The following IGFL2 variants were observed in gnomAD, a reference collection of about 807,000 sequenced individuals.
The protein encoded by IGFL2 is IGF like family member 2, also known as insulin growth factor-like family member 2.
In IGFL2, 7 loss-of-function variants were observed where a neutral mutation model predicts 13.9. The observed-to-expected ratio is 0.51, with a 90% CI of 0.29 to 0.95. IGFL2 has a LOEUF of 0.95. Among genes scored for constraint, IGFL2 ranks in the 40% least tolerant of loss-of-function variants. The pLI, the probability that IGFL2 is intolerant of heterozygous loss-of-function variation, is 0.08. For missense variants in IGFL2, 138 were observed against 147.8 expected, an observed-to-expected ratio of 0.93 and a Z score of 0.34; for synonymous variants, 55 against 55.8, an observed-to-expected ratio of 0.99 and a Z score of 0.07.
At chr19:46,185,845 G>A in the IGFL2 span, among the ~76,000 whole-genome samples, 2 of 152,190 alleles carry the variant, frequency 1.3e-5, no homozygotes, top group South Asian at 2.1e-4. Context: ...CACACACCTC[G>A]CACCCCGGCC....
the IGFL2 span, among the ~76,000 whole-genome samples, chr19:46,176,171 T>A: frequency 1.4e-5 from 2 of 139,870 alleles, no homozygotes; most frequent in African/African-American, 2.7e-5. Context: ...TTTTTAAAAA[T>A]CAAAATTAAT....
intron 2 of IGFL2, 29 bp downstream of exon 2, chr19:46,160,497 A>C: frequency 6.2e-7 from 1 of 1,613,468 alleles, no homozygotes; most frequent in Non-Finnish European, 8.5e-7. Flanking sequence ...AAGAGTGAAG[A>C]GGAAGGAGGC....
At chr19:46,175,268 A>C in the IGFL2 span, among the ~76,000 whole-genome samples, 1 of 152,156 alleles carries the variant, frequency 6.6e-6, no homozygotes, top group Non-Finnish European at 1.5e-5. Flanking sequence ...TCCTATTTCA[A>C]ACTTACAGAT....
chr19:46,156,401 A>G (rs188619106), intron 1 of IGFL2, among the ~76,000 whole-genome samples: 5 of 152,290 alleles, frequency 3.3e-5, no homozygotes, highest in African/African-American at 1.2e-4. Context: ...ATTGGCTTCT[A>G]TCTAGAGCCG....
chr19:46,210,720 G>A, the IGFL2 span, among the ~76,000 whole-genome samples: 12 of 152,276 alleles, frequency 7.9e-5, no homozygotes, highest in African/African-American at 1.9e-4. Flanking sequence ...GTCCACCCAC[G>A]TTAAGGGTGG....
chr19:46,149,013 A>G (rs759421105), intron 1 of IGFL2: 2 of 1,605,184 alleles, frequency 1.2e-6, no homozygotes, highest in African/African-American at 2.7e-5. Context: ...AGGCATGAGG[A>G]CCGACTACCC....
the IGFL2 span, among the ~76,000 whole-genome samples, chr19:46,085,455 C>T: frequency 6.6e-6 from 1 of 152,120 alleles, no homozygotes; most frequent in Non-Finnish European, 1.5e-5. Flanking sequence ...AGAATAGCAA[C>T]CCCTGCTCTT....
chr19:46,168,964 C>T, the IGFL2 span, among the ~76,000 whole-genome samples: 8 of 150,014 alleles, frequency 5.3e-5, no homozygotes, highest in Admixed American at 1.3e-4. Flanking sequence ...CTTTTTTCTC[C>T]ACTAAGATTA....
chr19:46,105,875 A>C, the IGFL2 span, among the ~76,000 whole-genome samples: 4 of 152,152 alleles, frequency 2.6e-5, no homozygotes, highest in African/African-American at 7.2e-5. Flanking sequence ...CTGACTGCAC[A>C]GCCCTGTACT....
the IGFL2 span, among the ~76,000 whole-genome samples, chr19:46,079,146 A>G: frequency 6.6e-6 from 1 of 152,222 alleles, no homozygotes; most frequent in African/African-American, 2.4e-5. Flanking sequence ...GACATCGCGC[A>G]GGCGATGGGT....
chr19:46,083,278 A>G, the IGFL2 span, among the ~76,000 whole-genome samples: 65 of 152,364 alleles, frequency 4.3e-4, no homozygotes, highest in East Asian at 0.011. Flanking sequence ...GTTGGGAACA[A>G]CTTAAATCGT....
At chr19:46,128,889 C>G in the IGFL2 span, among the ~76,000 whole-genome samples, 1 of 152,124 alleles carries the variant, frequency 6.6e-6, no homozygotes, top group African/African-American at 2.4e-5. Flanking sequence ...CCCTCCTTCT[C>G]AATTTTTTGG....
At chr19:46,106,007 C>T in the IGFL2 span, among the ~76,000 whole-genome samples, 442 of 152,174 alleles carry the variant, frequency 2.9e-3, 5 homozygotes, top group East Asian at 0.032. Flanking sequence ...AGCTAAGTTT[C>T]CTTTTGTGAG....
the IGFL2 span, among the ~76,000 whole-genome samples, chr19:46,102,700 A>G: frequency 6.6e-6 from 1 of 152,290 alleles, no homozygotes; most frequent in East Asian, 1.9e-4. Context: ...ATCTGGATGT[A>G]TATGTGCAGG....
At chr19:46,196,942 G>A in the IGFL2 span, 1 of 180,742 alleles carries the variant, frequency 5.5e-6, no homozygotes, top group East Asian at 1.4e-4. Context: ...GGGAATCTGG[G>A]GGAGGGGTGT....
chr19:46,080,930 C>T, the IGFL2 span, among the ~76,000 whole-genome samples: 1 of 152,236 alleles, frequency 6.6e-6, no homozygotes, highest in South Asian at 2.1e-4. Context: ...GACACTGTAG[C>T]GCAGGCTTCC....
At chr19:46,090,769 G>A in the IGFL2 span, among the ~76,000 whole-genome samples, 1 of 152,218 alleles carries the variant, frequency 6.6e-6, no homozygotes. Flanking sequence ...ACTGTGGATT[G>A]AGCTGGCCTT....
chr19:46,118,435 T>C, the IGFL2 span, among the ~76,000 whole-genome samples: 2 of 152,200 alleles, frequency 1.3e-5, no homozygotes, highest in Non-Finnish European at 2.9e-5. Context: ...GCTCCTGGAA[T>C]GTGTGGGGAA....
At chr19:46,120,419 C>T in the IGFL2 span, 1 of 1,603,658 alleles carries the variant, frequency 6.2e-7, no homozygotes, top group Non-Finnish European at 8.5e-7. Flanking sequence ...AAAATTATCC[C>T]CTACAAAAGC....
Sources: gnomAD v4.1 joint callset for allele counts (sites outside exome capture counted in the v4.1 genomes callset) on GRCh38, gnomAD v4.1.1 for gene constraint, MANE v1.5 for transcripts, NCBI Gene and HGNC (gene_info 2026-07-23, HGNC 2026-07-21) for gene names.